TTC7A: variants seen among roughly 807,000 people sequenced by gnomAD.
The protein encoded by TTC7A is tetratricopeptide repeat protein 7A.
In TTC7A, 110 loss-of-function variants were observed where a neutral mutation model predicts 103.7. That is an observed-to-expected ratio of 1.06 (90% confidence interval 0.91 to 1.24). The LOEUF (loss-of-function observed/expected upper bound fraction) is 1.24, where lower values mean the gene tolerates loss of function less well. TTC7A is among the 50% of genes most tolerant of loss of function. TTC7A has a pLI of 0.00. For missense variants in TTC7A, 1,340 were observed against 1,116.3 expected (o/e 1.20, Z -2.86); for synonymous variants, 521 against 467.9 (o/e 1.11, Z -1.47).
exon 2 of TTC7A, chr2:46,917,228 C>T (rs1307271810): frequency 1.4e-6 from 1 of 697,958 alleles, no homozygotes; most frequent in South Asian, 1.5e-5. Flanking sequence ...CTCCTGGGTT[C>T]AAGCAATCCT....
chr2:47,042,492 C>A (rs137982352), intron 15 of TTC7A, among the ~76,000 whole-genome samples: 2 of 136,528 alleles, frequency 1.5e-5, no homozygotes, highest in African/African-American at 3.0e-5. Context: ...CAGAGCCAGA[C>A]CTTGTCTCTT....
At chr2:47,069,524 G>A (rs947310220) in intron 19 of TTC7A, among the ~76,000 whole-genome samples, 1 of 152,152 alleles carries the variant, frequency 6.6e-6, no homozygotes, top group Non-Finnish European at 1.5e-5. Flanking sequence ...TCCCACCCCA[G>A]CACTGGGTGG....
intron 15 of TTC7A, among the ~76,000 whole-genome samples, chr2:47,036,640 C>T (rs1027243762): frequency 2.6e-5 from 4 of 152,076 alleles, no homozygotes; most frequent in African/African-American, 9.7e-5. Context: ...GAAGATCACT[C>T]GAGGCTAGGA....
At chr2:46,928,479 A>C (rs1053041235) in intron 2 of TTC7A, among the ~76,000 whole-genome samples, 104 of 149,800 alleles carry the variant, frequency 6.9e-4, no homozygotes, top group Non-Finnish European at 1.3e-3. Context: ...AAAAAAAAAA[A>C]AAAAAACTTG....
chr2:47,030,794 C>T (rs995611478), intron 15 of TTC7A, among the ~76,000 whole-genome samples: 5 of 152,306 alleles, frequency 3.3e-5, no homozygotes, highest in African/African-American at 1.2e-4. Context: ...CTTGACACAG[C>T]CTGTCTTTTA....
At chr2:46,969,767 A>G (rs533779091) in intron 3 of TTC7A, among the ~76,000 whole-genome samples, 2 of 152,306 alleles carry the variant, frequency 1.3e-5, no homozygotes, top group African/African-American at 4.8e-5. Context: ...ACACTTGGCT[A>G]CGTGAATATG....
At chr2:47,006,085 C>T (rs770600301) in intron 9 of TTC7A, 26 bp downstream of exon 9, 3 of 1,608,224 alleles carry the variant, frequency 1.9e-6, no homozygotes, top group African/African-American at 2.7e-5. Flanking sequence ...CAGCCCACCC[C>T]ACTCTCCGGA....
At chr2:46,917,919 T>G (rs548862342) in intron 2 of TTC7A, among the ~76,000 whole-genome samples, 1 of 152,388 alleles carries the variant, frequency 6.6e-6, no homozygotes, top group South Asian at 2.1e-4. Context: ...CTTAATTGGC[T>G]TCTCAATCTA....
rs756085345 is a variant in TTC7A, at chr2:47,073,729, A to G, written c.2383A>G (p.Lys795Glu). ...LGLMLSRLGH[K>E]SLAQKVLRDA... ...TCTGATGCTGAGTCGGCTGGGCCAC[A>G]AGAGCTTGGCCCAGAAGGTGCTTCG... is the stretch of plus-strand genomic sequence containing the variant. Residue 795 changes from lysine to glutamate, a missense_variant, in exon 20 of 20, where the codon AAG becomes GAG. Physicochemically the swap from Lys to Glu is moderately conservative, Grantham distance 56. Coordinates refer to ENST00000319190, the MANE Select transcript of TTC7A (RefSeq NM_020458.4). The G allele has an allele frequency of 1.9e-6, 3 of 1,613,654 alleles. No homozygotes were observed. Among genetic ancestry groups the G allele is most frequent in the Non-Finnish European group, 1.7e-6 (2 of 1,179,944 alleles).
intron 19 of TTC7A, among the ~76,000 whole-genome samples, chr2:47,061,394 C>T (rs1683770792): frequency 6.6e-6 from 1 of 152,328 alleles, no homozygotes; most frequent in Middle Eastern, 3.4e-3. Flanking sequence ...CTCCCTGTCT[C>T]CTCCATTTCC....
upstream of TTC7A, among the ~76,000 whole-genome samples, chr2:46,940,979 A>G (rs1670281651): frequency 6.6e-6 from 1 of 151,934 alleles, no homozygotes; most frequent in Admixed American, 6.5e-5. The surrounding 1 kb of genome is among the most constrained non-coding windows in gnomAD (Gnocchi z 4.7). Context: ...GGGGGCGGGA[A>G]GCGAGGCGCC....
chr2:46,956,647 C>A, intron 2 of TTC7A, 192 bp from the exon 3 acceptor site: 1 of 611,116 alleles, frequency 1.6e-6, no homozygotes, highest in South Asian at 2.0e-5. Context: ...TATTGAGAAC[C>A]ACAATGTAGG....
intron 11 of TTC7A, among the ~76,000 whole-genome samples, chr2:47,016,611 A>G (rs1678683220): frequency 6.6e-6 from 1 of 152,250 alleles, no homozygotes; most frequent in Non-Finnish European, 1.5e-5. Flanking sequence ...GGAAGGTTGA[A>G]GAGAACTCTG....
chr2:46,948,162 G>A (rs1300183135), intron 1 of TTC7A, among the ~76,000 whole-genome samples: 1 of 152,212 alleles, frequency 6.6e-6, no homozygotes, highest in Non-Finnish European at 1.5e-5. Flanking sequence ...AGGAAAGGGG[G>A]CAACAAGGCG....
intron 19 of TTC7A, chr2:47,071,314 G>A (rs917586237): frequency 6.6e-6 from 1 of 152,108 alleles, no homozygotes; most frequent in Non-Finnish European, 1.5e-5. Flanking sequence ...CAGGTTCTAA[G>A]GTCAACATCC....
At chr2:46,917,174 T>C (rs1255002860) in intron 1 of TTC7A, 3 of 701,436 alleles carry the variant, frequency 4.3e-6, no homozygotes, top group South Asian at 1.5e-5. Context: ...TTTTTTTTCT[T>C]TTTTTAAAGA....
At chr2:47,004,336 C>A (rs1056818368) in intron 8 of TTC7A, among the ~76,000 whole-genome samples, 64 of 152,274 alleles carry the variant, frequency 4.2e-4, no homozygotes, top group Admixed American at 7.2e-4. Context: ...TCCCTCCAGC[C>A]CTGCGCTGCA....
At chr2:47,027,904 T>A (rs1680089549) in intron 14 of TTC7A, among the ~76,000 whole-genome samples, 1 of 152,240 alleles carries the variant, frequency 6.6e-6, no homozygotes, top group Non-Finnish European at 1.5e-5. Context: ...TGTTGGTAAC[T>A]GCCGGAATTC....
intron 11 of TTC7A, among the ~76,000 whole-genome samples, chr2:47,018,677 A>G (rs1200150899): frequency 6.6e-6 from 1 of 151,832 alleles, no homozygotes; most frequent in Admixed American, 6.6e-5. Context: ...TTATATATCT[A>G]CATATGTAAA....
Sources: gnomAD v4.1 joint callset for allele counts (sites outside exome capture counted in the v4.1 genomes callset) on GRCh38, gnomAD v4.1.1 for gene constraint, Gnocchi (gnomAD v3.1) non-coding constraint, MANE v1.5 for transcripts, NCBI Gene and HGNC (gene_info 2026-07-23, HGNC 2026-07-21) for gene names.